Variants in CHD1L observed in about 807,000 individuals in gnomAD.
CHD1L encodes ATP-dependent chromatin remodeler CHD1L.
CHD1L carries 118 observed loss-of-function variants against 115.9 expected under a neutral mutation model. The ratio of observed to expected loss-of-function variants is 1.02; its 90% CI spans 0.88 to 1.19. The LOEUF (loss-of-function observed/expected upper bound fraction) is 1.19, where lower values mean the gene tolerates loss of function less well. CHD1L is among the 50% of genes most tolerant of loss of function. CHD1L has a pLI of 0.00. For synonymous variants in CHD1L, 411 were observed against 387.1 expected (o/e 1.06, Z -0.72); for missense variants, 1,179 against 1,065.3 (o/e 1.11, Z -1.49).
chr1:147,196,769 A>G, the CHD1L span, among the ~76,000 whole-genome samples: 1 of 152,002 alleles, frequency 6.6e-6, no homozygotes, highest in African/African-American at 2.4e-5. Context: ...TAGTTTCCCA[A>G]TTCCAATGAA....
chr1:147,181,795 A>G, the CHD1L span, among the ~76,000 whole-genome samples: 19 of 152,336 alleles, frequency 1.2e-4, no homozygotes, highest in East Asian at 3.3e-3. Flanking sequence ...GTGTGATTAT[A>G]ATGTTGGGCC....
At chr1:147,207,615 C>G in the CHD1L span, among the ~76,000 whole-genome samples, 2 of 152,108 alleles carry the variant, frequency 1.3e-5, no homozygotes. Flanking sequence ...CTTAGTTTCT[C>G]TACATCTCAG....
the CHD1L span, among the ~76,000 whole-genome samples, chr1:147,232,156 G>A: frequency 2.0e-5 from 3 of 152,156 alleles, no homozygotes; most frequent in South Asian, 6.2e-4. Context: ...AAGGAAAGGT[G>A]GCTGACAAGC....
intron 7 of CHD1L, among the ~76,000 whole-genome samples, chr1:147,265,163 G>A (rs1890036): frequency 0.04 from 6,100 of 152,226 alleles, 134 homozygotes; most frequent in African/African-American, 0.057. Context: ...ATGCCAACTA[G>A]TGAGTTTGTA....
chr1:147,180,424 TG>T, the CHD1L span, among the ~76,000 whole-genome samples: 1 of 152,136 alleles, frequency 6.6e-6, no homozygotes, highest in African/African-American at 2.4e-5. Flanking sequence ...CCTGAGTAGC[TG>T]GGACCACAGG....
the CHD1L span, among the ~76,000 whole-genome samples, chr1:147,193,696 G>A: frequency 6.6e-6 from 1 of 152,040 alleles, no homozygotes; most frequent in East Asian, 1.9e-4. Context: ...CAGAGATTCT[G>A]GTATGTTGTG....
chr1:147,254,443 G>T (rs1669395545), intron 2 of CHD1L, among the ~76,000 whole-genome samples: 1 of 152,130 alleles, frequency 6.6e-6, no homozygotes, highest in Admixed American at 6.5e-5. Flanking sequence ...CCTCACTCGG[G>T]AAAGCCTGGC....
chr1:147,259,169 A>G (rs1303515873), intron 5 of CHD1L: 1 of 152,154 alleles, frequency 6.6e-6, no homozygotes, highest in Non-Finnish European at 1.5e-5. Context: ...CTGTCAAAGT[A>G]TTTGCTTTTA....
At chr1:147,181,581 G>T in the CHD1L span, among the ~76,000 whole-genome samples, 2 of 152,232 alleles carry the variant, frequency 1.3e-5, no homozygotes, top group Non-Finnish European at 2.9e-5. Flanking sequence ...ACAGAGAATT[G>T]TCTAGAAAAA....
intron 5 of CHD1L, 182 bp from the exon 6 acceptor site, chr1:147,259,655 C>A: frequency 1.9e-6 from 1 of 519,284 alleles, no homozygotes; most frequent in Non-Finnish European, 3.5e-6. Context: ...GTTTTACTAC[C>A]TTATCCAGAT....
intron 16 of CHD1L, among the ~76,000 whole-genome samples, chr1:147,285,019 A>G (rs1258338671): frequency 6.6e-6 from 1 of 152,208 alleles, no homozygotes; most frequent in Non-Finnish European, 1.5e-5. Context: ...GCTTTTAGTC[A>G]AGGAAAAAAG....
chr1:147,261,486 T>C (rs1163956773), intron 6 of CHD1L, among the ~76,000 whole-genome samples: 1 of 151,912 alleles, frequency 6.6e-6, no homozygotes, highest in Non-Finnish European at 1.5e-5. Context: ...AGGCGCTACC[T>C]CTTAATAATA....
chr1:147,262,731 C>CAAA (rs11414167), intron 6 of CHD1L, among the ~76,000 whole-genome samples: 13,978 of 149,750 alleles, frequency 0.093, 708 homozygotes, highest in East Asian at 0.16. Flanking sequence ...AGGGAGATGG[C>CAAA]AAAAAAAAAA....
At position 147,255,914 on chromosome 1, in the gene CHD1L, T is replaced by C; in HGVS notation, c.449T>C (p.Leu150Pro). The C allele has an allele frequency of 6.2e-7, 1 of 1,612,014 alleles. No homozygotes were observed. Among genetic ancestry groups the C allele is most frequent in the Non-Finnish European group, 8.5e-7 (1 of 1,178,384 alleles). ...CAGGAGTCACGTTTTCATGTGCTAC[T>C]GACTACCTATGAGGTATTCATTCGT... ...LKQESRFHVL[L>P]TTYEICLKDA... is the part of the protein sequence containing the mutation. The change falls in exon 4 of 23, where the codon CTG (leucine) becomes CCG (proline). Residue 150 changes from leucine to proline, a missense_variant. Physicochemically the swap from Leu to Pro is moderately conservative, Grantham distance 98. Transcript: ENST00000369258.
Position 147,293,647 on chromosome 1 carries a change from G to A in CHD1L, c.2431G>A (p.Val811Ile), listed in dbSNP as rs782361440. 3 of 1,614,158 alleles carry A rather than the reference G, an allele frequency of 1.9e-6. No homozygotes were observed. Among genetic ancestry groups the A allele is most frequent in the Non-Finnish European group, 2.5e-6 (3 of 1,180,014 alleles). ...GGCTCAGCATCGTGATCGTTCCAAT[G>A]TCCTGTCTGGCATTAAGATGGCAGC... is the stretch of plus-strand genomic sequence containing the variant. Reference protein sequence around the residue: ...IVAQHRDRSNVLSGIKMAALE... With the variant: ...IVAQHRDRSNILSGIKMAALE... The change falls in exon 21 of 23, where the codon GTC (valine) becomes ATC (isoleucine). Residue 811 changes from valine (V) to isoleucine (I), a missense_variant. By Grantham distance (29) the Val-to-Ile change is conservative. Transcript: ENST00000369258.
At chr1:147,179,391 C>T in the CHD1L span, 1 of 1,599,064 alleles carries the variant, frequency 6.3e-7, no homozygotes, top group South Asian at 1.1e-5. Context: ...TCAGCAAAGA[C>T]CTGAATATCG....
chr1:147,271,198 A>C, intron 11 of CHD1L, 193 bp downstream of exon 11: 1 of 478,636 alleles, frequency 2.1e-6, no homozygotes, highest in Non-Finnish European at 3.7e-6. Flanking sequence ...GAGAACAGGC[A>C]CGTGGGCAGA....
At chr1:147,178,347 C>T in the CHD1L span, 3 of 1,612,238 alleles carry the variant, frequency 1.9e-6, no homozygotes, top group Non-Finnish European at 2.5e-6. Context: ...AAGGAATAGT[C>T]CCATTAGCAA....
chr1:147,203,815 A>C, the CHD1L span: 3 of 1,554,472 alleles, frequency 1.9e-6, no homozygotes, highest in Non-Finnish European at 1.8e-6. Context: ...GTACTATGGT[A>C]GAAATGATGC....
Sources: gnomAD v4.1 joint callset for allele counts (sites outside exome capture counted in the v4.1 genomes callset) on GRCh38, gnomAD v4.1.1 for gene constraint, MANE v1.5 for transcripts, NCBI Gene and HGNC (gene_info 2026-07-23, HGNC 2026-07-21) for gene names.